RMDN2: variants seen among roughly 807,000 people sequenced by gnomAD.
RMDN2 encodes regulator of microtubule dynamics protein 2.
RMDN2 carries 61 observed loss-of-function variants against 52.8 expected under a neutral mutation model. The observed-to-expected ratio is 1.16, with a 90% confidence interval of 0.94 to 1.43. The LOEUF (loss-of-function observed/expected upper bound fraction) is 1.43, where lower values mean the gene tolerates loss of function less well. Among genes scored for constraint, RMDN2 ranks in the 40% most tolerant of loss-of-function variants. The pLI is 0.00. For missense variants in RMDN2, 592 were observed against 475.3 expected (o/e 1.25, Z -2.28); for synonymous variants, 180 against 153.1 (o/e 1.18, Z -1.30).
intron 2 of RMDN2, among the ~76,000 whole-genome samples, chr2:37,935,985 G>A (rs1558440268): frequency 6.6e-6 from 1 of 152,058 alleles, no homozygotes; most frequent in Non-Finnish European, 1.5e-5. Flanking sequence ...GTGCCGTGGT[G>A]GTTTGCTGCA....
At chr2:37,955,590 T>C (rs1177455879) in intron 2 of RMDN2, among the ~76,000 whole-genome samples, 2 of 152,094 alleles carry the variant, frequency 1.3e-5, no homozygotes, top group African/African-American at 2.4e-5. Flanking sequence ...AATTGAATCA[T>C]GGGGGCCGAT....
rs1465087795 is a variant in RMDN2 at position 38,017,344 on chromosome 2, C to A, written c.*105C>A. ...TCATTTTTGATGTAAGGGTATTGTGCTTAGATTTGAAGGTAAAGCCATGTT... is the reference window on the plus strand; with the variant it reads ...TCATTTTTGATGTAAGGGTATTGTGATTAGATTTGAAGGTAAAGCCATGTT... On this transcript the variant is annotated 3_prime_UTR_variant, in exon 11 of 11. Coordinates refer to ENST00000354545, the MANE Select transcript of RMDN2 (RefSeq NM_001170791.3). The A allele has an allele frequency of 2.1e-6, 3 of 1,410,252 alleles. No individual in the cohort carries two copies. Among genetic ancestry groups the A allele is most frequent in the Non-Finnish European group, 2.8e-6 (3 of 1,076,688 alleles). The allele number at this position is 1,410,252 out of a possible 1,614,324, so 87.4% of individuals were successfully genotyped here.
intron 5 of RMDN2, among the ~76,000 whole-genome samples, chr2:37,985,056 TA>T (rs1231423785): frequency 6.6e-6 from 1 of 152,142 alleles, no homozygotes; most frequent in Non-Finnish European, 1.5e-5. Context: ...AATGTAACTC[TA>T]GGGGCAGATT....
upstream of RMDN2, among the ~76,000 whole-genome samples, chr2:37,924,510 G>T (rs926158498): frequency 8.5e-5 from 13 of 152,150 alleles, no homozygotes; most frequent in African/African-American, 2.9e-4. Flanking sequence ...GATTACAGGC[G>T]TCCACCACCA....
At chr2:38,000,162 C>A (rs1335239439) in intron 8 of RMDN2, among the ~76,000 whole-genome samples, 4 of 152,086 alleles carry the variant, frequency 2.6e-5, no homozygotes, top group Non-Finnish European at 5.9e-5. Context: ...ATCTGTGAAT[C>A]CCCTGGGGAA....
At chr2:37,989,439 T>C in intron 5 of RMDN2, 102 bp from the exon 6 acceptor site, 3 of 743,312 alleles carry the variant, frequency 4.0e-6, no homozygotes, top group Non-Finnish European at 4.7e-6. Flanking sequence ...CTGTTAAATA[T>C]GAATGAATGC....
chr2:37,962,300 C>G (rs548134584), intron 2 of RMDN2, among the ~76,000 whole-genome samples: 7 of 152,372 alleles, frequency 4.6e-5, no homozygotes, highest in Admixed American at 1.3e-4. Flanking sequence ...ACAGCCACCC[C>G]TTCCCCCAGG....
chr2:38,046,786 C>T (rs954421436), intron 10 of RMDN2, among the ~76,000 whole-genome samples: 4 of 152,048 alleles, frequency 2.6e-5, no homozygotes, highest in Non-Finnish European at 4.4e-5. Context: ...AGATAGAGAC[C>T]AGCCTGGCCA....
intron 7 of RMDN2, among the ~76,000 whole-genome samples, chr2:37,992,098 C>G (rs1323222301): frequency 6.6e-6 from 1 of 152,160 alleles, no homozygotes; most frequent in African/African-American, 2.4e-5. Flanking sequence ...ATATTTCTTG[C>G]TGCATTTCAT....
intron 8 of RMDN2, among the ~76,000 whole-genome samples, chr2:38,000,979 G>A (rs1325506884): frequency 6.6e-6 from 1 of 152,176 alleles, no homozygotes; most frequent in Non-Finnish European, 1.5e-5. Context: ...TGGATCAGAG[G>A]ATGGGTGTGT....
chr2:37,986,291 G>GA (rs894570087), intron 5 of RMDN2, among the ~76,000 whole-genome samples: 3 of 152,072 alleles, frequency 2.0e-5, no homozygotes, highest in African/African-American at 4.8e-5. Context: ...TACTTCTATT[G>GA]AAAAAATGGA....
At position 38,017,232 on chromosome 2, in the gene RMDN2, A is replaced by C; in HGVS notation, c.1226A>C (p.Lys409Thr). The C allele has an allele frequency of 2.0e-6, 3 of 1,533,768 alleles. No homozygotes were observed. Among genetic ancestry groups the C allele is most frequent in the Non-Finnish European group, 2.6e-6 (3 of 1,138,114 alleles). ...KEMQKIMTSL[K>T]R ...ATGCAAAAAATAATGACTTCCTTGA[A>C]GAGGTAAATAAACGAATTTACTCTT... Residue 409 changes from lysine (K) to threonine (T), a missense_variant, in exon 11 of 11, where the codon AAG (lysine) becomes ACG (threonine). Transcript: ENST00000354545.
chr2:38,013,976 G>A (rs1253366292), intron 10 of RMDN2, among the ~76,000 whole-genome samples: 1 of 152,220 alleles, frequency 6.6e-6, no homozygotes, highest in Non-Finnish European at 1.5e-5. Flanking sequence ...GGCGGCCGAG[G>A]CGGGCGGATC....
intron 2 of RMDN2, among the ~76,000 whole-genome samples, chr2:37,962,426 A>G (rs749508906): frequency 3.9e-5 from 6 of 152,190 alleles, no homozygotes; most frequent in Non-Finnish European, 5.9e-5. Flanking sequence ...GTCTGGCTAC[A>G]TTGGCTTTGC....
At chr2:38,042,561 T>G (rs1681036827) in intron 10 of RMDN2, among the ~76,000 whole-genome samples, 1 of 152,132 alleles carries the variant, frequency 6.6e-6, no homozygotes, top group Non-Finnish European at 1.5e-5. Flanking sequence ...ATATTGTTTT[T>G]CTTTCTCTAG....
intron 10 of RMDN2, among the ~76,000 whole-genome samples, chr2:38,043,551 T>C (rs1681091585): frequency 6.6e-6 from 1 of 152,118 alleles, no homozygotes; most frequent in Admixed American, 6.5e-5. Context: ...ATTGCACTTG[T>C]TCTTTGTTTC....
intron 2 of RMDN2, among the ~76,000 whole-genome samples, chr2:37,964,482 T>C (rs1670770102): frequency 6.6e-6 from 1 of 152,252 alleles, no homozygotes; most frequent in Non-Finnish European, 1.5e-5. Context: ...CACATATTTA[T>C]GGATTTTCCA....
chr2:37,947,456 G>T (rs1207145385), intron 2 of RMDN2, among the ~76,000 whole-genome samples: 1 of 152,064 alleles, frequency 6.6e-6, no homozygotes, highest in Non-Finnish European at 1.5e-5. Flanking sequence ...CATTAAAAAA[G>T]CCATACTTTT....
rs544036351 is a variant in RMDN2, at chr2:38,051,216, G to A, written c.1714-15766G>A. On this transcript the variant is annotated intron_variant, in intron 10 of 10. Coordinates refer to the RMDN2 transcript ENST00000234195. ...GACTGAGTCTGCCAACCCTTTCTTCGGAGTCATGCAAATTCACCGTAAAAA... is the reference window on the plus strand; with the variant it reads ...GACTGAGTCTGCCAACCCTTTCTTCAGAGTCATGCAAATTCACCGTAAAAA... Among the ~76,000 whole-genome samples, 5 of 152,054 alleles carry A rather than the reference G, an allele frequency of 3.3e-5. No individual in the cohort carries two copies. The East Asian group carries it at 7.8e-4, about 24-fold the overall frequency.
Sources: allele counts gnomAD v4.1 joint callset (sites outside exome capture counted in the v4.1 genomes callset), GRCh38; gene constraint gnomAD v4.1.1; transcripts MANE v1.5; gene names NCBI Gene and HGNC (gene_info 2026-07-23, HGNC 2026-07-21).